Variants in SUN2 observed in about 807,000 individuals in gnomAD.
The protein encoded by SUN2 is Sad1 and UNC84 domain containing 2, also known as SUN domain-containing protein 2.
In SUN2, 60 loss-of-function variants were observed where a neutral mutation model predicts 100.0. That is an observed-to-expected ratio of 0.60 (90% confidence interval 0.49 to 0.74). The LOEUF (loss-of-function observed/expected upper bound fraction) is 0.74. SUN2 is among the 30% of genes least tolerant of loss of function. SUN2 has a pLI of 0.00. For missense variants in SUN2, 834 were observed against 954.6 expected (o/e 0.87, Z 1.66); for synonymous variants, 367 against 403.3 (o/e 0.91, Z 1.08).
intron 2 of SUN2, among the ~76,000 whole-genome samples, chr22:38,751,853 A>C (rs2092947933): frequency 6.6e-6 from 1 of 152,194 alleles, no homozygotes; most frequent in Non-Finnish European, 1.5e-5. Flanking sequence ...AAGGATGGTA[A>C]GGCTGACACG....
chr22:38,748,592 A>G (rs770784328), intron 7 of SUN2, 121 bp downstream of exon 7: 10 of 1,124,748 alleles, frequency 8.9e-6, no homozygotes, highest in African/African-American at 1.5e-5. Context: ...TCCAGGGCTC[A>G]GGCCCTGCCC....
At position 38,755,250 on chromosome 22, in the gene SUN2, C is replaced by T. The variant is rs149467025; in HGVS notation, c.-38+513G>A. 3 of 1,165,748 alleles carry T rather than the reference C, an allele frequency of 2.6e-6. No homozygotes were observed. Among genetic ancestry groups the T allele is most frequent in the Admixed American group, 4.1e-5 (1 of 24,572 alleles). The allele number at this position is 1,165,748 out of a possible 1,614,324, so 72.2% of individuals were successfully genotyped here. ...AAACGCCCGGTGCTAACTCCCTCTG[C>T]CCTCATTCCCACAGGCCAAACCTGC... On this transcript the variant is annotated intron_variant, in intron 1 of 17. Coordinates refer to ENST00000689035, the MANE Select transcript of SUN2 (RefSeq NM_015374.3). This position sits in a 1 kb window ranked among gnomAD's most constrained non-coding sequence, Gnocchi z 5.7.
chr22:38,749,744 G>T (rs535527925), intron 6 of SUN2, 22 bp downstream of exon 6: 1 of 1,611,260 alleles, frequency 6.2e-7, no homozygotes, highest in Non-Finnish European at 8.5e-7. Context: ...CGATTTATTG[G>T]CAAGGGTGGA....
Position 38,749,785 on chromosome 22 carries a change from C to T in SUN2, c.595G>A (p.Asp199Asn). Residue 199 changes from aspartate (D) to asparagine (N), a missense_variant, in exon 6 of 18, where the codon GAC (aspartate) becomes AAC (asparagine). Around this residue, in one of 3 missense-constraint regions of SUN2, gnomAD observed 559 missense variants for 597.7 expected, o/e 0.94. Transcript: ENST00000689035. ...GCTCACCTGGTTAAAACGAAGACGTCAAGGAGGGAGGCAGCTGTGGTCAGG... is the reference window on the plus strand; with the variant it reads ...GCTCACCTGGTTAAAACGAAGACGTTAAGGAGGGAGGCAGCTGTGGTCAGG... ...YRLTTAASLL[D>N]VFVLTRRFSS... 2 of 1,614,152 alleles carry T rather than the reference C, an allele frequency of 1.2e-6. No homozygotes were observed. Among genetic ancestry groups the T allele is most frequent in the Non-Finnish European group, 1.7e-6 (2 of 1,180,022 alleles).
rs768674543 is a variant in SUN2, at chr22:38,750,407, C to T, written c.425-87G>A. ...TTCTGTGAGCCAAGACCACAAGTCACCCACCCTCCTTCACATCCCCACAGC... is the reference window on the plus strand; with the variant it reads ...TTCTGTGAGCCAAGACCACAAGTCATCCACCCTCCTTCACATCCCCACAGC... On this transcript the variant is annotated intron_variant, in intron 4 of 17. Coordinates refer to ENST00000689035, the MANE Select transcript of SUN2 (RefSeq NM_015374.3). 3.8e-6 allele frequency: 6 copies of T among 1,567,194 alleles called. No homozygotes were observed. In the South Asian group the frequency reaches 6.9e-5, roughly 18 times the overall value.
Position 38,738,228 on chromosome 22 carries a change from A to G in SUN2, c.1985T>C (p.Leu662Pro). ...GTCCTGATCGTAAGTGAACTTGCCA[A>G]GGAGTGTCCCCTCCTGCTGCAGGTC... ...DEDLQQEGTL[L>P]GKFTYDQDGE... The change falls in exon 17 of 18, where the codon CTT (leucine) becomes CCT (proline). Residue 662 changes from leucine to proline, a missense_variant. Leu to Pro is a moderately conservative substitution (Grantham distance 98, BLOSUM62 -3). This residue lies in a region of SUN2 where 80 missense variants were observed against 76.7 expected (regional missense o/e 1.04). Coordinates refer to ENST00000689035, the MANE Select transcript of SUN2 (RefSeq NM_015374.3). This position sits in a 1 kb window ranked among gnomAD's most constrained non-coding sequence, Gnocchi z 6.6. 1 of 1,613,994 alleles carries G rather than the reference A, an allele frequency of 6.2e-7. No homozygotes were observed. Among genetic ancestry groups the G allele is most frequent in the Non-Finnish European group, 8.5e-7 (1 of 1,179,994 alleles).
intron 6 of SUN2, 99 bp downstream of exon 6, chr22:38,749,667 A>G (rs1224400977): frequency 2.6e-6 from 3 of 1,153,178 alleles, no homozygotes; most frequent in East Asian, 5.1e-5. Context: ...GAAACTGGGG[A>G]AAACCCTCAG....
In SUN2 at chr22:38,751,229, C is replaced by A; in HGVS notation, c.267G>T (p.Leu89=). ...WFPPRSSLEE[L]HGDANWGEDL... ...ACTCACCCCAGTTGGCGTCACCATG[C>A]AGTTCCTCCAGGGAGCTCCTGGGTG... Residue 89 remains leucine (L), a synonymous_variant, in exon 3 of 18, where the codon CTG becomes CTT. Coordinates refer to ENST00000689035, the MANE Select transcript of SUN2 (RefSeq NM_015374.3). The A allele has an allele frequency of 6.2e-7, 1 of 1,613,150 alleles. No homozygotes were observed. The highest frequency in any genetic ancestry group is 8.5e-7 in the Non-Finnish European group (1 of 1,179,226).
chr22:38,742,331 ATCC>A lies in SUN2; in HGVS notation c.1035_1037del (p.Glu345del), dbSNP rs1680401465. On this transcript the variant is annotated inframe_deletion, in exon 9 of 18. Coordinates refer to ENST00000689035, the MANE Select transcript of SUN2 (RefSeq NM_015374.3). ...TGCGAGCAGCAGTTTCCCTGCGGAA[ATCC>A]TCCTTCAGGGCAGCTTCACGGCGGC... 1 of 1,605,940 alleles carries A rather than the reference ATCC, an allele frequency of 6.2e-7. No individual in the cohort carries two copies. The highest frequency in any genetic ancestry group is 8.5e-7 in the Non-Finnish European group (1 of 1,173,872).
At chr22:38,744,261 CA>C (rs35027225) in intron 8 of SUN2, among the ~76,000 whole-genome samples, 20,754 of 60,732 alleles carry the variant, frequency 0.34, 1,038 homozygotes, top group East Asian at 0.43. Context: ...GACTCTGTCT[CA>C]AAAAAAAAAA....
intron 1 of SUN2, 108 bp from the exon 2 acceptor site, chr22:38,752,773 CCCCCCGGCCCCCGG>C (rs374981864): frequency 7.8e-7 from 1 of 1,280,744 alleles, no homozygotes; most frequent in Non-Finnish European, 1.0e-6. Flanking sequence ...AACAGACCAC[CCCCCCGGCCCCCGG>C]CCCCCGGCGT....
In SUN2 at chr22:38,742,561, A is replaced by G. The variant is rs755485830; in HGVS notation, c.814-6T>C. ...GACATAACACGCTGCTCAGCCTGGA[A>G]GGGCAGAGAGAGAGCCACGGAGTGA... is the stretch of plus-strand genomic sequence containing the variant. On this transcript the variant is annotated splice_region_variant and splice_polypyrimidine_tract_variant and intron_variant, in intron 8 of 17. Transcript: ENST00000689035. 4 of 1,603,276 alleles carry G rather than the reference A, an allele frequency of 2.5e-6. 1 individual carries two copies. In the South Asian group the frequency reaches 4.4e-5, roughly 18 times the overall value.
In SUN2 at chr22:38,742,344, G is replaced by C; in HGVS notation, c.1025C>G (p.Ala342Gly). 1 of 1,609,554 alleles carries C rather than the reference G, an allele frequency of 6.2e-7. No individual in the cohort carries two copies. Among genetic ancestry groups the C allele is most frequent in the South Asian group, 1.1e-5 (1 of 90,988 alleles). Residue 342 changes from alanine to glycine, a missense_variant, in exon 9 of 18, where the codon GCC becomes GGC. Ala to Gly is a moderately conservative substitution (Grantham distance 60). Around this residue, in one of 3 missense-constraint regions of SUN2, gnomAD observed 559 missense variants for 597.7 expected, o/e 0.94. Transcript: ENST00000689035. ...TTCCCTGCGGAAATCCTCCTTCAGG[G>C]CAGCTTCACGGCGGCTCACTAGCCC... ...LEGLVSRREA[A>G]LKEDFRRETA...
In SUN2 at chr22:38,737,867, C is replaced by T. The variant is rs1451623622; in HGVS notation, c.2040+306G>A. The T allele has an allele frequency of 5.1e-6, 3 of 584,860 alleles. No individual in the cohort carries two copies. Among genetic ancestry groups the T allele is most frequent in the African/African-American group, 3.7e-5 (2 of 54,184 alleles). 36.2% of individuals were successfully genotyped at this position (584,860 alleles called of 1,614,324 possible). On this transcript the variant is annotated intron_variant, in intron 17 of 17. Coordinates refer to ENST00000689035, the MANE Select transcript of SUN2 (RefSeq NM_015374.3). The surrounding 1 kb of genome is among the most constrained non-coding windows in gnomAD (Gnocchi z 4.1). ...GCGCCCTGGCATGTGCTGGCGGCGG[C>T]TCCTCGAACGCCTCTCCCGGCCTTC... is the stretch of plus-strand genomic sequence containing the variant.
At chr22:38,741,389 G>T in intron 10 of SUN2, 105 bp downstream of exon 10, 2 of 1,199,478 alleles carry the variant, frequency 1.7e-6, no homozygotes, top group East Asian at 2.4e-5. Context: ...CCCTCCCCAT[G>T]CAACACCCAA....
At chr22:38,753,414 C>T (rs1433026231) in intron 1 of SUN2, among the ~76,000 whole-genome samples, 1 of 152,032 alleles carries the variant, frequency 6.6e-6, no homozygotes, top group Admixed American at 6.6e-5. Context: ...CGGGGTTTCG[C>T]CATGTTGGCC....
chr22:38,739,986 G>A lies in SUN2; in HGVS notation c.1357-43C>T. On this transcript the variant is annotated intron_variant, in intron 12 of 17. Coordinates refer to ENST00000689035, the MANE Select transcript of SUN2 (RefSeq NM_015374.3). The surrounding 1 kb of genome is among the most constrained non-coding windows in gnomAD (Gnocchi z 6.7). ...GGTGTCACCCTGGGGGGCTTGCAGG[G>A]ACAGCAGGAGCTGCTATGACAGGGC... 6.3e-7 allele frequency: 1 copy of A among 1,583,080 alleles called. No individual in the cohort carries two copies.
intron 8 of SUN2, chr22:38,743,931 A>G (rs2092880867): frequency 6.6e-6 from 1 of 152,134 alleles, no homozygotes; most frequent in Non-Finnish European, 1.5e-5. Flanking sequence ...AGTAATATAT[A>G]CAAAAATAGA....
rs1013136292 is a variant in SUN2 at position 38,755,859 on chromosome 22, G to A, written c.-134C>T. The A allele has an allele frequency of 6.8e-5, 67 of 982,406 alleles. No individual in the cohort carries two copies. The highest frequency in any genetic ancestry group is 7.8e-5 in the Non-Finnish European group (65 of 828,818). The allele number at this position is 982,406 out of a possible 1,614,324, so 60.9% of individuals were successfully genotyped here. A position where few individuals can be genotyped will look rare whatever the true frequency, so the allele number is the denominator to read the frequency against. On this transcript the variant is annotated 5_prime_UTR_variant, in exon 1 of 18. Coordinates refer to ENST00000689035, the MANE Select transcript of SUN2 (RefSeq NM_015374.3). The surrounding 1 kb of genome is among the most constrained non-coding windows in gnomAD (Gnocchi z 5.7). ...TCCGCGTGGGGATCCCGCGGGCGGCGCTCCGCTCAGGGCGACACAGCGGCC... is the reference window on the plus strand; with the variant it reads ...TCCGCGTGGGGATCCCGCGGGCGGCACTCCGCTCAGGGCGACACAGCGGCC...
Sources: gnomAD v4.1 joint callset for allele counts (sites outside exome capture counted in the v4.1 genomes callset) on GRCh38, gnomAD v4.1.1 for gene constraint, gnomAD v4.1.1 regional missense constraint, Gnocchi (gnomAD v3.1) non-coding constraint, MANE v1.5 for transcripts, NCBI Gene and HGNC (gene_info 2026-07-23, HGNC 2026-07-21) for gene names.